The following BCL7A variants were observed in gnomAD, a reference collection of about 807,000 sequenced individuals.
The protein encoded by BCL7A is BAF chromatin remodeling complex subunit BCL7A.
In BCL7A, 11 loss-of-function variants were observed where a neutral mutation model predicts 28.4. The ratio of observed to expected loss-of-function variants is 0.39; its 90% CI spans 0.24 to 0.64. The LOEUF (loss-of-function observed/expected upper bound fraction) is 0.64. Ranked by LOEUF, BCL7A falls within the 30% of genes least tolerant of loss-of-function variation. The pLI, the probability that BCL7A is intolerant of heterozygous loss-of-function variation, is 0.50. For missense variants in BCL7A, 222 were observed against 274.8 expected (o/e 0.81, Z 1.36); for synonymous variants, 123 against 103.3 (o/e 1.19, Z -1.15).
chr12:122,043,775 A>G (rs1442325788), intron 3 of BCL7A, 111 bp from the exon 4 acceptor site: 4 of 1,107,994 alleles, frequency 3.6e-6, no homozygotes, highest in Non-Finnish European at 4.9e-6. Context: ...TCCCCGGGAG[A>G]GCTGCCATGG....
rs117624930 is a variant in BCL7A, at chr12:122,048,444, C to T, written c.439+4391C>T. Among the ~76,000 whole-genome samples, 1,013 of 152,108 alleles carry T rather than the reference C, an allele frequency of 6.7e-3. 5 individuals carry two copies. The highest frequency in any genetic ancestry group is 9.9e-3 in the Non-Finnish European group (675 of 67,998). On this transcript the variant is annotated intron_variant, in intron 4 of 5. Coordinates refer to ENST00000261822, the MANE Select transcript of BCL7A (RefSeq NM_001024808.3). ...CTTCTTGGAGGAGTTGCTGTCTTGACCTGGTATTAGAAAGGAGGCAGGCTG... is the reference window on the plus strand; with the variant it reads ...CTTCTTGGAGGAGTTGCTGTCTTGATCTGGTATTAGAAAGGAGGCAGGCTG...
intron 1 of BCL7A, among the ~76,000 whole-genome samples, chr12:122,023,861 G>C (rs558363227): frequency 6.6e-6 from 1 of 152,368 alleles, no homozygotes; most frequent in South Asian, 2.1e-4. Flanking sequence ...TGCAAAGAAA[G>C]AACTGGTGTC....
At chr12:122,049,035 A>ATAT (rs1491333665) in intron 4 of BCL7A, among the ~76,000 whole-genome samples, 15 of 58,340 alleles carry the variant, frequency 2.6e-4, no homozygotes, top group South Asian at 1.9e-3. Context: ...AAAAAAAAAA[A>ATAT]ATATATATAT....
intron 1 of BCL7A, among the ~76,000 whole-genome samples, chr12:122,028,992 A>G (rs1261955901): frequency 6.6e-6 from 1 of 152,122 alleles, no homozygotes; most frequent in Non-Finnish European, 1.5e-5. Flanking sequence ...CAGTGGACTT[A>G]GACACTCGTC....
chr12:122,022,823 A>C (rs1883498105), intron 1 of BCL7A, among the ~76,000 whole-genome samples: 1 of 151,486 alleles, frequency 6.6e-6, no homozygotes, highest in African/African-American at 2.4e-5. Context: ...GGCGACCAGG[A>C]AAGATGGGGG....
chr12:122,045,155 C>A (rs570403575), intron 4 of BCL7A, among the ~76,000 whole-genome samples: 2 of 151,686 alleles, frequency 1.3e-5, no homozygotes, highest in Non-Finnish European at 2.9e-5. Flanking sequence ...CCGAGGCAGG[C>A]GGATCACTTG....
At chr12:122,023,508 G>T (rs1883525815) in intron 1 of BCL7A, among the ~76,000 whole-genome samples, 1 of 152,196 alleles carries the variant, frequency 6.6e-6, no homozygotes, top group African/African-American at 2.4e-5. Flanking sequence ...AACAAAAAAG[G>T]CAAGAGGAAA....
chr12:122,034,109 C>T (rs756837786), intron 2 of BCL7A, among the ~76,000 whole-genome samples: 52 of 148,372 alleles, frequency 3.5e-4, no homozygotes, highest in Non-Finnish European at 6.4e-4. Context: ...TGTAAATACA[C>T]GCATGCACAT....
chr12:122,038,347 G>A (rs1172734873), intron 3 of BCL7A, among the ~76,000 whole-genome samples: 6 of 145,990 alleles, frequency 4.1e-5, no homozygotes, highest in African/African-American at 1.6e-4. Flanking sequence ...CAAGAAAATC[G>A]CTTGAATCTG....
At chr12:122,056,108 G>A (rs1426785600) in intron 5 of BCL7A, among the ~76,000 whole-genome samples, 3 of 152,294 alleles carry the variant, frequency 2.0e-5, no homozygotes, top group South Asian at 2.1e-4. Flanking sequence ...TTCTTGCAGC[G>A]TGCAGTGAGA....
At chr12:122,048,641 C>T (rs1884125660) in intron 4 of BCL7A, among the ~76,000 whole-genome samples, 1 of 152,072 alleles carries the variant, frequency 6.6e-6, no homozygotes, top group Non-Finnish European at 1.5e-5. Flanking sequence ...GTCCCAGCTA[C>T]TTGGGAGGCT....
chr12:122,024,223 G>A (rs956208492), intron 1 of BCL7A, among the ~76,000 whole-genome samples: 1 of 152,312 alleles, frequency 6.6e-6, no homozygotes, highest in East Asian at 1.9e-4. Flanking sequence ...TCAGGCTTTG[G>A]GATCTCATGG....
At chr12:122,055,451 G>T (rs148541586) in intron 5 of BCL7A, among the ~76,000 whole-genome samples, 3 of 152,102 alleles carry the variant, frequency 2.0e-5, no homozygotes, top group Admixed American at 2.0e-4. Context: ...TCCCAGAGTC[G>T]GGCCCAAGTT....
At chr12:122,044,171 A>C (rs559107813) in intron 4 of BCL7A, 118 bp downstream of exon 4, 402 of 1,215,630 alleles carry the variant, frequency 3.3e-4, no homozygotes, top group Admixed American at 4.4e-4. Context: ...GGAGACAGTA[A>C]AGAGAGGTGA....
intron 1 of BCL7A, among the ~76,000 whole-genome samples, chr12:122,022,787 T>G (rs2135833629): frequency 6.6e-6 from 1 of 150,946 alleles, no homozygotes; most frequent in East Asian, 2.0e-4. Flanking sequence ...ATTTAGCGCT[T>G]TGGGCTGCCT....
At chr12:122,030,373 A>G (rs1453185314) in intron 1 of BCL7A, among the ~76,000 whole-genome samples, 2 of 152,212 alleles carry the variant, frequency 1.3e-5, no homozygotes, top group East Asian at 3.8e-4. Flanking sequence ...GGCCCAGTCC[A>G]CTGGCTGCGT....
intron 1 of BCL7A, among the ~76,000 whole-genome samples, chr12:122,022,833 G>A (rs1220945067): frequency 6.6e-6 from 1 of 151,950 alleles, no homozygotes; most frequent in East Asian, 2.0e-4. Flanking sequence ...AAAGATGGGG[G>A]CGAGCGCTGG....
intron 5 of BCL7A, among the ~76,000 whole-genome samples, chr12:122,056,677 G>A (rs576046886): frequency 6.6e-6 from 1 of 152,162 alleles, no homozygotes; most frequent in Admixed American, 6.6e-5. Context: ...ATGGTGGTGC[G>A]CTCCTATAGT....
chr12:122,024,115 G>T (rs1883552623), intron 1 of BCL7A, among the ~76,000 whole-genome samples: 1 of 152,166 alleles, frequency 6.6e-6, no homozygotes, highest in Non-Finnish European at 1.5e-5. Context: ...CCAGCCCGCT[G>T]ACCCCGCGGG....
Sources: allele counts gnomAD v4.1 joint callset (sites outside exome capture counted in the v4.1 genomes callset), GRCh38; gene constraint gnomAD v4.1.1; transcripts MANE v1.5; gene names NCBI Gene and HGNC (gene_info 2026-07-23, HGNC 2026-07-21).